PCDHB14: variants seen among roughly 807,000 people sequenced by gnomAD.
PCDHB14 encodes the protein protocadherin beta-14.
For synonymous variants in PCDHB14, 511 were observed against 441.5 expected (o/e 1.16, Z -1.97); for missense variants, 1,129 against 1,000.5 (o/e 1.13, Z -1.73).
rs1050069837 is a variant in PCDHB14 at position 141,227,717 on chromosome 5, A to G, written c.*1815A>G. Reference sequence around the variant, plus strand: ...TAACAAGTAGTTATTTGTTGTGTGGATTTCTTAAAATTGACATTTAAACAA... The same window carrying G: ...TAACAAGTAGTTATTTGTTGTGTGGGTTTCTTAAAATTGACATTTAAACAA... On this transcript the variant is annotated 3_prime_UTR_variant, in exon 1 of 1. Coordinates refer to ENST00000239449, the MANE Select transcript of PCDHB14 (RefSeq NM_018934.4). The G allele has an allele frequency of 6.6e-5, 10 of 152,266 alleles. No individual in the cohort carries two copies. The highest frequency in any genetic ancestry group is 2.4e-4 in the African/African-American group (10 of 41,570). The allele number at this position is 152,266 out of a possible 1,614,324, so 9.4% of individuals were successfully genotyped here.
rs2149685278 is a variant in PCDHB14, at chr5:141,223,460, T to C, written c.-46T>C. On this transcript the variant is annotated 5_prime_UTR_variant, in exon 1 of 1. Coordinates refer to ENST00000239449, the MANE Select transcript of PCDHB14 (RefSeq NM_018934.4). ...AAACCAGAGCTTCAGCTTCCAAAAT[T>C]ACGGCTGAGCTTCAGTTTTTCCACA... The C allele has an allele frequency of 6.9e-7, 1 of 1,446,620 alleles. No individual in the cohort carries two copies. The highest frequency in any genetic ancestry group is 9.4e-7 in the Non-Finnish European group (1 of 1,058,524). 89.6% of individuals were successfully genotyped at this position (1,446,620 alleles called of 1,614,324 possible).
In PCDHB14 at chr5:141,223,736, T is replaced by A; in HGVS notation, c.231T>A (p.Leu77=). 6.2e-7 allele frequency: 1 copy of A among 1,614,076 alleles called. No homozygotes were observed. Among genetic ancestry groups the A allele is most frequent in the Non-Finnish European group, 8.5e-7 (1 of 1,180,010 alleles). Residue 77 remains leucine, a synonymous_variant, in exon 1 of 1, where the codon CTT becomes CTA. Transcript: ENST00000239449. ...ATGATAATAAAAAGTATTTGCACCT[T>A]GATTTGCTGACTGGGAATTTGCTCC... ...VSDDNKKYLH[L]DLLTGNLLLN...
At position 141,225,650 on chromosome 5, in the gene PCDHB14, G is replaced by C. The variant is rs201398862; in HGVS notation, c.2145G>C (p.Arg715Ser). Residue 715 changes from arginine to serine, a missense_variant, in exon 1 of 1, where the codon AGG becomes AGC. By Grantham distance (110) the Arg-to-Ser change is moderately radical. Coordinates refer to ENST00000239449, the MANE Select transcript of PCDHB14 (RefSeq NM_018934.4). ...VLLFVAVRLC[R>S]RSRAASVGRC... ...TGTTCGTGGCGGTGCGGCTGTGCAG[G>C]AGGAGCAGGGCGGCCTCGGTGGGTC... 55 of 1,613,514 alleles carry C rather than the reference G, an allele frequency of 3.4e-5. No individual in the cohort carries two copies. The highest frequency in any genetic ancestry group is 4.5e-5 in the Non-Finnish European group (53 of 1,179,996).
rs782758026 is a variant in PCDHB14, at chr5:141,224,850, C to T, written c.1345C>T (p.Pro449Ser). 2.5e-6 allele frequency: 4 copies of T among 1,613,690 alleles called. No individual in the cohort carries two copies. The highest frequency in any genetic ancestry group is 2.7e-5 in the African/African-American group (2 of 74,900). The change falls in exon 1 of 1, where the codon CCC becomes TCC. Residue 449 changes from proline (P) to serine (S), a missense_variant. Transcript: ENST00000239449. ...GCTCTCTGACGTCAATGACAACGCCCCCACCTTCACCCAAACCTCCTACAC... is the reference window on the plus strand; with the variant it reads ...GCTCTCTGACGTCAATGACAACGCCTCCACCTTCACCCAAACCTCCTACAC... ...VLLSDVNDNA[P>S]TFTQTSYTLF...
chr5:141,226,787 G>A lies in PCDHB14; in HGVS notation c.*885G>A, dbSNP rs1446933857. 1 of 152,222 alleles carries A rather than the reference G, an allele frequency of 6.6e-6. No individual in the cohort carries two copies. The highest frequency in any genetic ancestry group is 2.4e-5 in the African/African-American group (1 of 41,402). 9.4% of individuals were successfully genotyped at this position (152,222 alleles called of 1,614,324 possible). ...GAATCTTGCCATGTTTCCCAGTCTG[G>A]TCTGGAACTCCTTGGCTCAAGCGAT... is the stretch of plus-strand genomic sequence containing the variant. On this transcript the variant is annotated 3_prime_UTR_variant, in exon 1 of 1. Coordinates refer to ENST00000239449, the MANE Select transcript of PCDHB14 (RefSeq NM_018934.4).
At position 141,227,232 on chromosome 5, in the gene PCDHB14, TC is replaced by T. The variant is rs1588399882; in HGVS notation, c.*1332del. 6.6e-6 allele frequency: 1 copy of T among 152,352 alleles called. No homozygotes were observed. The highest frequency in any genetic ancestry group is 1.9e-4 in the East Asian group (1 of 5,196). 9.4% of individuals were successfully genotyped at this position (152,352 alleles called of 1,614,324 possible). A position where few individuals can be genotyped will look rare whatever the true frequency, so the allele number is the denominator to read the frequency against. On this transcript the variant is annotated 3_prime_UTR_variant, in exon 1 of 1. Transcript: ENST00000239449. Reference sequence around the variant, plus strand: ...GGTCTTATCCTGGGTAAAATAGCCTTCCATCAGATGAGTACAAAGCAAGAAC... The same window carrying T: ...GGTCTTATCCTGGGTAAAATAGCCTTCATCAGATGAGTACAAAGCAAGAAC...
chr5:141,223,609 T>G lies in PCDHB14; in HGVS notation c.104T>G (p.Val35Gly). Residue 35 changes from valine to glycine, a missense_variant, in exon 1 of 1, where the codon GTG becomes GGG. Physicochemically the swap from Val to Gly is moderately radical, Grantham distance 109. Transcript: ENST00000239449. ...RAGTESAHYS[V>G]AEETEIGSFV... is the part of the protein sequence containing the mutation. ...GGTACTGAATCTGCACACTATTCTGTGGCAGAGGAAACAGAAATTGGCTCT... is the reference window on the plus strand; with the variant it reads ...GGTACTGAATCTGCACACTATTCTGGGGCAGAGGAAACAGAAATTGGCTCT... The G allele has an allele frequency of 1.2e-6, 2 of 1,614,078 alleles. No homozygotes were observed. The highest frequency in any genetic ancestry group is 1.7e-6 in the Non-Finnish European group (2 of 1,179,918).
rs201144437 is a variant in PCDHB14, at chr5:141,223,463, G to A, written c.-43G>A. ...CCAGAGCTTCAGCTTCCAAAATTACGGCTGAGCTTCAGTTTTTCCACAAGA... is the reference window on the plus strand; with the variant it reads ...CCAGAGCTTCAGCTTCCAAAATTACAGCTGAGCTTCAGTTTTTCCACAAGA... On this transcript the variant is annotated 5_prime_UTR_variant, in exon 1 of 1. Transcript: ENST00000239449. The A allele has an allele frequency of 1.6e-3, 2,265 of 1,459,410 alleles. 4 individuals carry two copies. Among genetic ancestry groups the A allele is most frequent in the Non-Finnish European group, 1.6e-3 (1,717 of 1,068,974 alleles). The allele number at this position is 1,459,410 out of a possible 1,614,324, so 90.4% of individuals were successfully genotyped here.
rs1371310040 is a variant in PCDHB14 at position 141,223,418 on chromosome 5, C to T, written c.-88C>T. On this transcript the variant is annotated 5_prime_UTR_variant, in exon 1 of 1. Coordinates refer to ENST00000239449, the MANE Select transcript of PCDHB14 (RefSeq NM_018934.4). Reference sequence around the variant, plus strand: ...CAGAGCTGCTGGAGGATACACTCTCCAGGGGGTTCCTGTTAAAAACCAGAG... The same window carrying T: ...CAGAGCTGCTGGAGGATACACTCTCTAGGGGGTTCCTGTTAAAAACCAGAG... 1.2e-5 allele frequency: 11 copies of T among 936,100 alleles called. No individual in the cohort carries two copies. The highest frequency in any genetic ancestry group is 7.2e-5 in the East Asian group (3 of 41,606). 58.0% of individuals were successfully genotyped at this position (936,100 alleles called of 1,614,324 possible).
rs141588754 is a variant in PCDHB14, at chr5:141,225,143, G to A, written c.1638G>A (p.Leu546=). Residue 546 remains leucine (L), a synonymous_variant, in exon 1 of 1, where the codon CTG becomes CTA. Coordinates refer to ENST00000239449, the MANE Select transcript of PCDHB14 (RefSeq NM_018934.4). ...RGSPALSSEA[L]VRVLVLDAND... Reference sequence around the variant, plus strand: ...CCCCGGCGTTGAGCAGCGAGGCGCTGGTGCGCGTGCTGGTGCTGGACGCCA... The same window carrying A: ...CCCCGGCGTTGAGCAGCGAGGCGCTAGTGCGCGTGCTGGTGCTGGACGCCA... 9,306 of 1,611,648 alleles carry A rather than the reference G, an allele frequency of 5.8e-3. 39 individuals are homozygous for A. The highest frequency in any genetic ancestry group is 7.2e-3 in the Middle Eastern group (32 of 4,460).
At position 141,225,410 on chromosome 5, in the gene PCDHB14, G is replaced by C. The variant is rs371056506; in HGVS notation, c.1905G>C (p.Ala635=). Residue 635 remains alanine, a synonymous_variant, in exon 1 of 1, where the codon GCG becomes GCC. Coordinates refer to ENST00000239449, the MANE Select transcript of PCDHB14 (RefSeq NM_018934.4). ...CCAGGCTGCTGAGCGAGCGCGACGCGGCCAAGCACAGGCTGGTGGTGCTGG... is the reference window on the plus strand; with the variant it reads ...CCAGGCTGCTGAGCGAGCGCGACGCCGCCAAGCACAGGCTGGTGGTGCTGG... ...RTARLLSERD[A]AKHRLVVLVK... 4 of 1,604,822 alleles carry C rather than the reference G, an allele frequency of 2.5e-6. No homozygotes were observed. Among genetic ancestry groups the C allele is most frequent in the Non-Finnish European group, 2.5e-6 (3 of 1,179,400 alleles).
rs1554289494 is a variant in PCDHB14 at position 141,225,485 on chromosome 5, G to T, written c.1980G>T (p.Val660=). 3 of 1,606,082 alleles carry T rather than the reference G, an allele frequency of 1.9e-6. No individual in the cohort carries two copies. The East Asian group carries it at 6.7e-5, about 36-fold the overall frequency. ...PPRSATATLH[V]LLVDGFSQPY... is the part of the protein sequence containing the mutation. ...GCTCGGCCACCGCCACGCTGCACGT[G>T]CTCCTGGTGGACGGCTTCTCCCAGC... Residue 660 remains valine, a synonymous_variant, in exon 1 of 1, where the codon GTG becomes GTT. Transcript: ENST00000239449.
rs148111639 is a variant in PCDHB14 at position 141,224,971 on chromosome 5, C to G, written c.1466C>G (p.Ser489Trp). ...GGCACCAACGCCCAGGTCAACTACT[C>G]GCTGCTGCCGCCCCAGGACCGGCAC... ...DSGTNAQVNY[S>W]LLPPQDRHLP... The change falls in exon 1 of 1, where the codon TCG becomes TGG. Residue 489 changes from serine to tryptophan, a missense_variant. Coordinates refer to ENST00000239449, the MANE Select transcript of PCDHB14 (RefSeq NM_018934.4). The G allele has an allele frequency of 6.2e-7, 1 of 1,612,492 alleles. No individual in the cohort carries two copies. Among genetic ancestry groups the G allele is most frequent in the Non-Finnish European group, 8.5e-7 (1 of 1,180,046 alleles).
rs535471386 is a variant in PCDHB14, at chr5:141,223,773, C to T, written c.268C>T (p.Leu90=). The T allele has an allele frequency of 1.2e-5, 20 of 1,614,102 alleles. No homozygotes were observed. The highest frequency in any genetic ancestry group is 2.7e-5 in the African/African-American group (2 of 75,020). The stretch of plus-strand genomic sequence containing the variant: ...TGGGAATTTGCTCCTAAATGAGAAA[C>T]TAGACCGAGACGAGCTGTGTGGCTC... ...LTGNLLLNEK[L]DRDELCGSTE... Residue 90 remains leucine (L), a synonymous_variant, in exon 1 of 1, where the codon CTA becomes TTA. Transcript: ENST00000239449.
rs1754774996 is a variant in PCDHB14, at chr5:141,223,995, A to C, written c.490A>C (p.Ser164Arg). 2 of 1,613,604 alleles carry C rather than the reference A, an allele frequency of 1.2e-6. No homozygotes were observed. The highest frequency in any genetic ancestry group is 1.7e-6 in the Non-Finnish European group (2 of 1,179,858). The change falls in exon 1 of 1, where the codon AGC becomes CGC. Residue 164 changes from serine (S) to arginine (R), a missense_variant. By Grantham distance (110) the Ser-to-Arg change is moderately radical (BLOSUM62 -1). Coordinates refer to ENST00000239449, the MANE Select transcript of PCDHB14 (RefSeq NM_018934.4). ...MESAQDLDVG[S>R]NSLQNYTISP... ...GAGTGCTCAAGATTTGGATGTCGGA[A>C]GCAACAGTCTCCAAAACTACACAAT...
Position 141,223,548 on chromosome 5 carries a change from C to A in PCDHB14, c.43C>A (p.Leu15Ile). 1 of 1,614,000 alleles carries A rather than the reference C, an allele frequency of 6.2e-7. No individual in the cohort carries two copies. ...ACTCGATCTGCGAAAAAGGCAAGTT[C>A]TAATATTCCTTGTTTTGCTGGGATT... ...GALDLRKRQVLIFLVLLGLSR... is the reference protein window; with the variant it reads ...GALDLRKRQVIIFLVLLGLSR... The change falls in exon 1 of 1, where the codon CTA (leucine) becomes ATA (isoleucine). Residue 15 changes from leucine to isoleucine, a missense_variant. Leu to Ile is a conservative substitution (Grantham distance 5, BLOSUM62 2). Coordinates refer to ENST00000239449, the MANE Select transcript of PCDHB14 (RefSeq NM_018934.4).
chr5:141,224,458 A>G lies in PCDHB14; in HGVS notation c.953A>G (p.Asn318Ser), dbSNP rs1554289177. The G allele has an allele frequency of 6.2e-7, 1 of 1,611,860 alleles. No individual in the cohort carries two copies. Among genetic ancestry groups the G allele is most frequent in the East Asian group, 2.2e-5 (1 of 44,894 alleles). Reference sequence around the variant, plus strand: ...GAAGTAATACAGTCCTACACTATAAATATTCAGGCAACAGATGGTGGGGGT... The same window carrying G: ...GAAGTAATACAGTCCTACACTATAAGTATTCAGGCAACAGATGGTGGGGGT... ...DFEVIQSYTI[N>S]IQATDGGGLS... The change falls in exon 1 of 1, where the codon AAT becomes AGT. Residue 318 changes from asparagine to serine, a missense_variant. By Grantham distance (46) the Asn-to-Ser change is conservative. Transcript: ENST00000239449.
At position 141,226,073 on chromosome 5, in the gene PCDHB14, A is replaced by C. The variant is rs546301655; in HGVS notation, c.*171A>C. 1.5e-5 allele frequency: 10 copies of C among 656,088 alleles called. No individual in the cohort carries two copies. In the East Asian group the frequency reaches 2.6e-4, roughly 17 times the overall value. The allele number at this position is 656,088 out of a possible 1,614,324, so 40.6% of individuals were successfully genotyped here. A position where few individuals can be genotyped will look rare whatever the true frequency, so the allele number is the denominator to read the frequency against. On this transcript the variant is annotated 3_prime_UTR_variant, in exon 1 of 1. Transcript: ENST00000239449. ...TTATTAGTGGCTATAATGACGTGGAAATGTAATCTGTGTTTTCTGGTTTTT... is the reference window on the plus strand; with the variant it reads ...TTATTAGTGGCTATAATGACGTGGACATGTAATCTGTGTTTTCTGGTTTTT...
chr5:141,224,434 A>C lies in PCDHB14; in HGVS notation c.929A>C (p.Glu310Ala), dbSNP rs782770840. The change falls in exon 1 of 1, where the codon GAA becomes GCA. Residue 310 changes from glutamate (E) to alanine (A), a missense_variant. Physicochemically the swap from Glu to Ala is moderately radical, Grantham distance 107. Transcript: ENST00000239449. ...AATTTGAGATCACCCCTGGATTTTG[A>C]AGTAATACAGTCCTACACTATAAAT... ...EVNLRSPLDF[E>A]VIQSYTINIQ... The C allele has an allele frequency of 6.2e-7, 1 of 1,608,192 alleles. No individual in the cohort carries two copies. Among genetic ancestry groups the C allele is most frequent in the Admixed American group, 1.7e-5 (1 of 58,938 alleles).
Sources: allele counts gnomAD v4.1 joint callset, GRCh38; gene constraint gnomAD v4.1.1; transcripts MANE v1.5; gene names NCBI Gene and HGNC (gene_info 2026-07-23, HGNC 2026-07-21).